The following CYSLTR1 variants were observed in gnomAD, a reference collection of about 807,000 sequenced individuals.
CYSLTR1 encodes the protein cysteinyl leukotriene receptor 1, also known as G-protein coupled receptor HG55.
CYSLTR1 carries 1 observed loss-of-function variant against 2.1 expected under a neutral mutation model. That is an observed-to-expected ratio of 0.48 (90% CI 0.17 to 2.28). The LOEUF is 2.28. CYSLTR1 is among the 30% of genes most tolerant of loss of function. The pLI is 0.26. For synonymous variants in CYSLTR1, 110 were observed against 89.6 expected (o/e 1.23, Z -1.28); for missense variants, 299 against 250.1 (o/e 1.20, Z -1.32).
chrX:78,304,566 G>T (rs758472299), intron 1 of CYSLTR1, among the ~76,000 whole-genome samples: 1 of 110,737 alleles, frequency 9.0e-6, no homozygotes, highest in South Asian at 4.0e-4. Flanking sequence ...ACAAAATAAT[G>T]AAGGAATTCT....
chrX:78,282,160 CCTT>C (rs903294042), intron 2 of CYSLTR1, among the ~76,000 whole-genome samples: 1 of 112,019 alleles, frequency 8.9e-6, no homozygotes, highest in Non-Finnish European at 1.9e-5. Context: ...GTCCTTTCCT[CCTT>C]CTTTGCATAT....
At chrX:78,322,993 CT>C (rs775404769) in intron 1 of CYSLTR1, among the ~76,000 whole-genome samples, 3 of 111,578 alleles carry the variant, frequency 2.7e-5, no homozygotes, top group Non-Finnish European at 5.7e-5. Flanking sequence ...GCCAAAAATG[CT>C]TTATCCTGTG....
chrX:78,319,948 T>C (rs779295765), intron 1 of CYSLTR1: 1 of 111,918 alleles, frequency 8.9e-6, no homozygotes, highest in East Asian at 2.8e-4. Context: ...TCGCCCACTT[T>C]TTGATGGGGT....
At chrX:78,305,174 T>C (rs751458982) in intron 1 of CYSLTR1, among the ~76,000 whole-genome samples, 1 of 112,327 alleles carries the variant, frequency 8.9e-6, no homozygotes, top group Non-Finnish European at 1.9e-5. Context: ...ACCATTTTGG[T>C]TCTTGGGCCC....
chrX:78,287,958 C>A (rs888997859), intron 1 of CYSLTR1, among the ~76,000 whole-genome samples: 5 of 110,777 alleles, frequency 4.5e-5, no homozygotes, highest in African/African-American at 1.6e-4. Context: ...TACCTCAGTA[C>A]AGCTGTTTTT....
intron 1 of CYSLTR1, among the ~76,000 whole-genome samples, chrX:78,294,550 C>G (rs1469066161): frequency 8.9e-6 from 1 of 112,772 alleles, no homozygotes; most frequent in Non-Finnish European, 1.9e-5. Context: ...CAGAAGTTGT[C>G]TGCTGCCTTT....
chrX:78,288,335 T>C (rs1323939018), intron 1 of CYSLTR1, among the ~76,000 whole-genome samples: 1 of 112,296 alleles, frequency 8.9e-6, no homozygotes, highest in Non-Finnish European at 1.9e-5. Context: ...GATCCAAAAG[T>C]GTCTCCAGGT....
chrX:78,298,570 T>A (rs1922676988), intron 1 of CYSLTR1, among the ~76,000 whole-genome samples: 1 of 111,696 alleles, frequency 9.0e-6, no homozygotes, highest in Non-Finnish European at 1.9e-5. Context: ...TGGATGCATA[T>A]ATATATTTAA....
Position 78,273,190 on chromosome X carries a change from A to T in CYSLTR1, c.557T>A (p.Val186Asp). 1 of 1,210,851 alleles carries T rather than the reference A, an allele frequency of 8.3e-7. No homozygotes were observed. The highest frequency in any genetic ancestry group is 1.1e-6 in the Non-Finnish European group (1 of 895,121). The change falls in exon 3 of 3, where the codon GTT (valine) becomes GAT (aspartate). Residue 186 changes from valine (V) to aspartate (D), a missense_variant. Physicochemically the swap from Val to Asp is radical, Grantham distance 152 (BLOSUM62 -3). Transcript: ENST00000373304. ...PPQDNQTKNH[V>D]LVLHYVSLFV... Reference sequence around the variant, plus strand: ...CAATGACACATAATGCAAGACCAAAACATGATTTTTAGTTTGATTGTCTTG... The same window carrying T: ...CAATGACACATAATGCAAGACCAAATCATGATTTTTAGTTTGATTGTCTTG...
At position 78,273,444 on chromosome X, in the gene CYSLTR1, A is replaced by G. The variant is rs767521452; in HGVS notation, c.303T>C (p.Tyr101=). 2.5e-6 allele frequency: 3 copies of G among 1,211,805 alleles called. No homozygotes were observed. Among genetic ancestry groups the G allele is most frequent in the Non-Finnish European group, 3.4e-6 (3 of 895,458 alleles). Residue 101 remains tyrosine, a synonymous_variant, in exon 3 of 3, where the codon TAT becomes TAC. Transcript: ENST00000373304. ...TACAATAGAGGTTGACATACAAAGC[A>G]TAGGTGCTGAGGCGGCACAAGAAGT... is the stretch of plus-strand genomic sequence containing the variant. ...FGDFLCRLST[Y]ALYVNLYCSI...
rs200624361 is a variant in CYSLTR1 at position 78,273,056 on chromosome X, C to T, written c.691G>A (p.Ala231Thr). 7 of 1,208,892 alleles carry T rather than the reference C, an allele frequency of 5.8e-6. No individual in the cohort carries two copies. The highest frequency in any genetic ancestry group is 7.8e-6 in the Non-Finnish European group (7 of 894,694). Reference sequence around the variant, plus strand: ...GTCACGACCATGATCATTCCTATAGCCTTTTTATGACTTGACAGATTTTTT... The same window carrying T: ...GTCACGACCATGATCATTCCTATAGTCTTTTTATGACTTGACAGATTTTTT... Reference protein sequence around the residue: ...MKKNLSSHKKAIGMIMVVTAA... With the variant: ...MKKNLSSHKKTIGMIMVVTAA... Residue 231 changes from alanine to threonine, a missense_variant, in exon 3 of 3, where the codon GCT becomes ACT. Physicochemically the swap from Ala to Thr is moderately conservative, Grantham distance 58. Transcript: ENST00000373304.
chrX:78,279,991 T>C (rs1286023062), intron 2 of CYSLTR1, among the ~76,000 whole-genome samples: 1 of 110,661 alleles, frequency 9.0e-6, no homozygotes, highest in Non-Finnish European at 1.9e-5. Flanking sequence ...AAAAACTACC[T>C]ATTGGGCACT....
At chrX:78,288,760 A>G (rs1922182443) in intron 1 of CYSLTR1, among the ~76,000 whole-genome samples, 1 of 111,212 alleles carries the variant, frequency 9.0e-6, no homozygotes, top group Non-Finnish European at 1.9e-5. Flanking sequence ...ATAAATTATT[A>G]TTCACTATAG....
At chrX:78,318,964 T>C (rs1257393586) in intron 1 of CYSLTR1, 1 of 109,749 alleles carries the variant, frequency 9.1e-6, no homozygotes, top group Non-Finnish European at 1.9e-5. Context: ...ATGCATCCTC[T>C]TTCACACTTA....
At chrX:78,298,732 T>C (rs1415746830) in intron 1 of CYSLTR1, among the ~76,000 whole-genome samples, 1 of 111,700 alleles carries the variant, frequency 9.0e-6, no homozygotes, top group Non-Finnish European at 1.9e-5. Flanking sequence ...AATGTCTTTT[T>C]TCCATACTTT....
In CYSLTR1 at chrX:78,327,488, G is replaced by C. The variant is rs1923901240; in HGVS notation, c.-298C>G. The C allele has an allele frequency of 8.9e-6, 1 of 112,067 alleles. No individual in the cohort carries two copies. The highest frequency in any genetic ancestry group is 3.7e-4 in the South Asian group (1 of 2,726). 9.2% of individuals were successfully genotyped at this position (112,067 alleles called of 1,213,427 possible). A position where few individuals can be genotyped will look rare whatever the true frequency, so the allele number is the denominator to read the frequency against. Reference sequence around the variant, plus strand: ...CCATTCACAGAGTGCCTGCTCTATAGGCAAGCTTCTTTGCAAAGATGGGTT... The same window carrying C: ...CCATTCACAGAGTGCCTGCTCTATACGCAAGCTTCTTTGCAAAGATGGGTT... On this transcript the variant is annotated 5_prime_UTR_variant, in exon 1 of 3. Coordinates refer to ENST00000373304, the MANE Select transcript of CYSLTR1 (RefSeq NM_006639.4).
intron 2 of CYSLTR1, among the ~76,000 whole-genome samples, chrX:78,275,535 A>G (rs907931385): frequency 9.7e-6 from 1 of 103,492 alleles, no homozygotes; most frequent in Non-Finnish European, 2.0e-5. Context: ...GAACAATGAG[A>G]ACACATGGAC....
chrX:78,315,310 CA>C (rs1923375130), intron 1 of CYSLTR1, among the ~76,000 whole-genome samples: 1 of 110,439 alleles, frequency 9.1e-6, no homozygotes, highest in Non-Finnish European at 1.9e-5. Flanking sequence ...CTGCTGGCTT[CA>C]GGTGAAACAG....
intron 1 of CYSLTR1, among the ~76,000 whole-genome samples, chrX:78,325,822 T>C (rs1173326510): frequency 8.9e-6 from 1 of 112,193 alleles, no homozygotes; most frequent in African/African-American, 3.2e-5. Context: ...TCCTTTATTA[T>C]TGGTCAATTA....
Sources: gnomAD v4.1 joint callset for allele counts (sites outside exome capture counted in the v4.1 genomes callset) on GRCh38, gnomAD v4.1.1 for gene constraint, MANE v1.5 for transcripts, NCBI Gene and HGNC (gene_info 2026-07-23, HGNC 2026-07-21) for gene names.